WDR27: variants seen among roughly 807,000 people sequenced by gnomAD.
WDR27 encodes WD repeat-containing protein 27.
A neutral mutation model predicts 114.4 loss-of-function variants in WDR27; 100 were observed. The observed-to-expected ratio is 0.87, with a 90% CI of 0.74 to 1.03. The LOEUF is 1.03. Ranked by LOEUF, WDR27 falls within the 50% of genes least tolerant of loss-of-function variation. The pLI, the probability that WDR27 is intolerant of heterozygous loss-of-function variation, is 0.00. For synonymous variants in WDR27, 449 were observed against 423.1 expected, an observed-to-expected ratio of 1.06 and a Z score of -0.75; for missense variants, 1,129 against 1,092.9, an observed-to-expected ratio of 1.03 and a Z score of -0.47.
chr6:169,699,159 C>T (rs1233228550), intron 1 of WDR27, among the ~76,000 whole-genome samples: 1 of 152,306 alleles, frequency 6.6e-6, no homozygotes, highest in South Asian at 2.1e-4. Context: ...GCAGCCAACA[C>T]ACGGAATTGG....
intron 2 of WDR27, among the ~76,000 whole-genome samples, chr6:169,682,813 C>T (rs539876957): frequency 1.4e-4 from 21 of 152,042 alleles, no homozygotes; most frequent in Non-Finnish European, 1.3e-4. Context: ...TAAGGAATCT[C>T]AAGAAAATTT....
At chr6:169,611,959 A>C (rs1474366220) in intron 22 of WDR27, among the ~76,000 whole-genome samples, 1 of 148,000 alleles carries the variant, frequency 6.8e-6, no homozygotes, top group Non-Finnish European at 1.5e-5. Flanking sequence ...ACATGGTGAA[A>C]ATGCGTTCTC....
At chr6:169,507,898 C>T (rs1792220485) in intron 25 of WDR27, among the ~76,000 whole-genome samples, 1 of 152,202 alleles carries the variant, frequency 6.6e-6, no homozygotes, top group Non-Finnish European at 1.5e-5. Flanking sequence ...AGCCACTCTA[C>T]AGGTCACAGC....
chr6:169,699,585 T>G (rs1301587453), intron 1 of WDR27, among the ~76,000 whole-genome samples: 3 of 152,170 alleles, frequency 2.0e-5, no homozygotes, highest in Non-Finnish European at 4.4e-5. Flanking sequence ...TGGTCCCCAC[T>G]GCCATGCTCC....
Position 169,582,882 on chromosome 6 carries a change from T to C in WDR27, c.2477A>G (p.His826Arg), listed in dbSNP as rs1262114353. ...GGCCACTCCAGTGACAGTGTCTGTG[T>C]GCCCAGCCAGCCGGTGAGAAAACGT... ...SSTFSHRLAGHTDTVTGVAFN... is the reference protein window; with the variant it reads ...SSTFSHRLAGRTDTVTGVAFN... The change falls in exon 24 of 26, where the codon CAC becomes CGC. Residue 826 changes from histidine to arginine, a missense_variant. Physicochemically the swap from His to Arg is conservative, Grantham distance 29 (BLOSUM62 0). Coordinates refer to ENST00000448612, the MANE Select transcript of WDR27 (RefSeq NM_182552.5). The C allele has an allele frequency of 1.2e-6, 2 of 1,613,974 alleles. No homozygotes were observed. The highest frequency in any genetic ancestry group is 8.5e-7 in the Non-Finnish European group (1 of 1,179,896).
intron 25 of WDR27, among the ~76,000 whole-genome samples, chr6:169,529,474 C>T (rs369036185): frequency 6.6e-6 from 1 of 152,144 alleles, no homozygotes; most frequent in East Asian, 1.9e-4. Context: ...AAAATAATTA[C>T]ACCAACATAC....
At chr6:169,586,250 C>T (rs575418189) in intron 23 of WDR27, among the ~76,000 whole-genome samples, 37 of 152,282 alleles carry the variant, frequency 2.4e-4, no homozygotes, top group Admixed American at 7.8e-4. Flanking sequence ...TCATAAATCC[C>T]GTGAGGTCAT....
intron 25 of WDR27, among the ~76,000 whole-genome samples, chr6:169,494,624 G>A (rs1217419745): frequency 6.6e-6 from 1 of 152,088 alleles, no homozygotes; most frequent in Non-Finnish European, 1.5e-5. Flanking sequence ...GTGCAAAACT[G>A]CATTTACAGC....
In WDR27 at chr6:169,574,608, T is replaced by G. The variant is rs535837602; in HGVS notation, c.2524-2068A>C. On this transcript the variant is annotated intron_variant, in intron 24 of 25. Coordinates refer to ENST00000448612, the MANE Select transcript of WDR27 (RefSeq NM_182552.5). Reference sequence around the variant, plus strand: ...CCAGCGAGAGGTGGGAAGCTCATCCTGCAGTGCCAGATCTTTCACGAAGTG... The same window carrying G: ...CCAGCGAGAGGTGGGAAGCTCATCCGGCAGTGCCAGATCTTTCACGAAGTG... Among the ~76,000 whole-genome samples the G allele has an allele frequency of 5.3e-5, 8 of 152,304 alleles. No homozygotes were observed. The East Asian group carries it at 1.5e-3, about 29-fold the overall frequency.
the WDR27 span, among the ~76,000 whole-genome samples, chr6:169,450,845 G>A: frequency 1.3e-5 from 2 of 151,670 alleles, no homozygotes; most frequent in Admixed American, 6.6e-5. Context: ...CTACTGCATG[G>A]AACACCACCA....
chr6:169,446,629 C>T, the WDR27 span, among the ~76,000 whole-genome samples: 87 of 152,300 alleles, frequency 5.7e-4, 1 homozygote, highest in African/African-American at 1.8e-3. Context: ...GAGGAAAGAT[C>T]TTAAAAGGTT....
intron 24 of WDR27, among the ~76,000 whole-genome samples, chr6:169,574,462 G>A (rs1328021421): frequency 6.6e-6 from 1 of 152,134 alleles, no homozygotes; most frequent in Non-Finnish European, 1.5e-5. Flanking sequence ...AACAAGTCAT[G>A]GAATCTGTCT....
chr6:169,684,845 C>T lies in WDR27; in HGVS notation c.189+3972G>A, dbSNP rs527955490. Among the ~76,000 whole-genome samples, 20 of 152,320 alleles carry T rather than the reference C, an allele frequency of 1.3e-4. No homozygotes were observed. The South Asian group carries it at 3.1e-3, about 24-fold the overall frequency. ...AGCTGCCCCAGCAGATATGTCCCCA[C>T]GCTGGCCAAGCAACCATGTGCCCAT... On this transcript the variant is annotated intron_variant, in intron 2 of 25. Coordinates refer to ENST00000448612, the MANE Select transcript of WDR27 (RefSeq NM_182552.5). This position sits in a 1 kb window ranked among gnomAD's most constrained non-coding sequence, Gnocchi z 4.3.
At chr6:169,489,218 C>A (rs1431082232) in intron 25 of WDR27, among the ~76,000 whole-genome samples, 1 of 152,180 alleles carries the variant, frequency 6.6e-6, no homozygotes, top group Admixed American at 6.5e-5. Flanking sequence ...TGCATGGCAC[C>A]TGCACAGATG....
Position 169,651,928 on chromosome 6 carries a change from A to T in WDR27, c.1481+2T>A. On this transcript the variant is annotated splice_donor_variant, in intron 14 of 25. Coordinates refer to ENST00000448612, the MANE Select transcript of WDR27 (RefSeq NM_182552.5). LOFTEE classifies it high-confidence loss of function. Reference sequence around the variant, plus strand: ...GTCTCTCATTGACATGAGTTCACTCACTGTGGTGCTGACGCATAACCAGAT... The same window carrying T: ...GTCTCTCATTGACATGAGTTCACTCTCTGTGGTGCTGACGCATAACCAGAT... 6.2e-7 allele frequency: 1 copy of T among 1,612,552 alleles called. No homozygotes were observed. Among genetic ancestry groups the T allele is most frequent in the Non-Finnish European group, 8.5e-7 (1 of 1,179,344 alleles).
intron 22 of WDR27, among the ~76,000 whole-genome samples, chr6:169,611,200 T>C (rs1241428597): frequency 6.6e-6 from 1 of 152,148 alleles, no homozygotes; most frequent in African/African-American, 2.4e-5. Context: ...ACAACTGCTA[T>C]AGGTGTTATA....
chr6:169,457,868 C>T (rs2115246243), intron 25 of WDR27, among the ~76,000 whole-genome samples: 1 of 152,036 alleles, frequency 6.6e-6, no homozygotes, highest in Middle Eastern at 3.4e-3. Context: ...CTGGTCAGAG[C>T]CGATCCCTCT....
chr6:169,672,157 TACCCAAGGGAAAC>T (rs995068110), intron 3 of WDR27, 85 bp downstream of exon 3: 1 of 1,273,754 alleles, frequency 7.9e-7, no homozygotes, highest in African/African-American at 1.5e-5. Context: ...GGACTGCTGT[TACCCAAGGGAAAC>T]ACCCCTTGGG....
chr6:169,474,931 G>A (rs764584979), intron 25 of WDR27, among the ~76,000 whole-genome samples: 2 of 152,130 alleles, frequency 1.3e-5, no homozygotes, highest in Non-Finnish European at 2.9e-5. Context: ...ACAGAAATTC[G>A]GTTTCAGTTA....
Sources: gnomAD v4.1 joint callset for allele counts (sites outside exome capture counted in the v4.1 genomes callset) on GRCh38, gnomAD v4.1.1 for gene constraint, Gnocchi (gnomAD v3.1) non-coding constraint, MANE v1.5 for transcripts, NCBI Gene and HGNC (gene_info 2026-07-23, HGNC 2026-07-21) for gene names.